GRM8: variants seen among roughly 807,000 people sequenced by gnomAD.
GRM8 encodes glutamate metabotropic receptor 8.
In GRM8, 47 loss-of-function variants were observed where a neutral mutation model predicts 87.2. The observed-to-expected ratio is 0.54, with a 90% CI of 0.43 to 0.69. GRM8 has a LOEUF of 0.69. Among genes scored for constraint, GRM8 ranks in the 30% least tolerant of loss-of-function variants. GRM8 has a pLI of 0.00. For missense variants in GRM8, 1,019 were observed against 1,139.2 expected (o/e 0.89, Z 1.52); for synonymous variants, 396 against 404.5 (o/e 0.98, Z 0.25).
At chr7:127,030,293 C>T (rs1817232035) in intron 3 of GRM8, among the ~76,000 whole-genome samples, 2 of 113,308 alleles carry the variant, frequency 1.8e-5, no homozygotes, top group East Asian at 2.4e-4. Context: ...AAGCACTCCC[C>T]AGAAGGTTCA....
At chr7:127,222,448 A>G (rs999021854) in intron 2 of GRM8, among the ~76,000 whole-genome samples, 42 of 152,260 alleles carry the variant, frequency 2.8e-4, no homozygotes, top group Admixed American at 2.5e-3. Context: ...GCTTTTGAAG[A>G]TACTCTACCC....
rs3831573 is a variant in GRM8 at position 126,688,739 on chromosome 7, G to GACACACACACACACACACAC, written c.1358-79261_1358-79242dup. ...CCCTATTTTCTCTCTCTCTCTTTCT[G>GACACACACACACACACACAC]ACACACACACACACACACACACACA... On this transcript the variant is annotated intron_variant, in intron 7 of 10. Transcript: ENST00000339582. Among the ~76,000 whole-genome samples, 321 of 145,804 alleles carry GACACACACACACACACACAC rather than the reference G, an allele frequency of 2.2e-3. 2 individuals carry two copies. The highest frequency in any genetic ancestry group is 7.6e-3 in the African/African-American group (298 of 39,202).
intron 8 of GRM8, among the ~76,000 whole-genome samples, chr7:126,577,349 C>T (rs957441419): frequency 2.0e-5 from 3 of 152,116 alleles, no homozygotes; most frequent in Admixed American, 6.6e-5. Flanking sequence ...AATCATTTAA[C>T]ACTAACTTTA....
At chr7:126,541,009 A>G (rs552526813) in intron 8 of GRM8, among the ~76,000 whole-genome samples, 125 of 152,358 alleles carry the variant, frequency 8.2e-4, no homozygotes, top group African/African-American at 2.9e-3. Flanking sequence ...ATAATGCTGT[A>G]CAAAAACATA....
chr7:126,899,468 C>T (rs1293814215), intron 6 of GRM8, among the ~76,000 whole-genome samples: 1 of 152,138 alleles, frequency 6.6e-6, no homozygotes, highest in African/African-American at 2.4e-5. Flanking sequence ...TTCCCAAATC[C>T]TTGTCATCAA....
chr7:126,898,712 C>A (rs1454098490), intron 6 of GRM8, among the ~76,000 whole-genome samples: 2 of 152,156 alleles, frequency 1.3e-5, no homozygotes, highest in African/African-American at 4.8e-5. Context: ...AGTCATATAC[C>A]ACCTACAGAT....
chr7:126,860,998 CTG>C (rs982575713), intron 6 of GRM8, among the ~76,000 whole-genome samples: 7 of 152,124 alleles, frequency 4.6e-5, no homozygotes, highest in African/African-American at 1.4e-4. Flanking sequence ...CCCACAATCA[CTG>C]TAAATCTTTC....
Position 127,079,402 on chromosome 7 carries a change from G to A in GRM8, c.727+27094C>T, listed in dbSNP as rs144002759. On this transcript the variant is annotated intron_variant, in intron 3 of 10. Transcript: ENST00000339582. ...CTCCCAAAGTGCTGGGATTACAGGC[G>A]TGAGCCACCACGCCCAGCCGTGTAT... is the stretch of plus-strand genomic sequence containing the variant. 4.7e-3 allele frequency among the ~76,000 whole-genome samples: 710 copies of A among 152,298 alleles called. 8 individuals carry two copies. The highest frequency in any genetic ancestry group is 0.016 in the African/African-American group (650 of 41,556).
At chr7:126,904,806 C>G in intron 3 of GRM8, 123 bp from the exon 4 acceptor site, 1 of 823,944 alleles carries the variant, frequency 1.2e-6, no homozygotes, top group Non-Finnish European at 2.0e-6. Flanking sequence ...ATATGTGTCA[C>G]TCTCACCTAT....
chr7:126,594,491 A>C (rs1796977290), intron 8 of GRM8, among the ~76,000 whole-genome samples: 1 of 152,142 alleles, frequency 6.6e-6, no homozygotes. Context: ...AGGTACAGAA[A>C]GATAAATACC....
At chr7:126,966,799 G>A (rs1034316341) in intron 3 of GRM8, among the ~76,000 whole-genome samples, 2 of 152,122 alleles carry the variant, frequency 1.3e-5, no homozygotes, top group African/African-American at 4.8e-5. Flanking sequence ...AGAAAAAAAT[G>A]AGTCAATTAA....
chr7:126,499,160 C>T (rs1809240893), intron 9 of GRM8, among the ~76,000 whole-genome samples: 1 of 151,798 alleles, frequency 6.6e-6, no homozygotes, highest in Non-Finnish European at 1.5e-5. Flanking sequence ...CTTCTATATA[C>T]TCTGTTTGTG....
chr7:126,489,607 T>C (rs186303126), intron 9 of GRM8, among the ~76,000 whole-genome samples: 2 of 152,118 alleles, frequency 1.3e-5, no homozygotes, highest in Admixed American at 6.6e-5. Flanking sequence ...CAAAGAAAGA[T>C]CTTGTAAAAA....
At chr7:126,522,639 G>T (rs1813167444) in intron 9 of GRM8, among the ~76,000 whole-genome samples, 1 of 152,178 alleles carries the variant, frequency 6.6e-6, no homozygotes, top group Admixed American at 6.5e-5. Flanking sequence ...ACAGGTTTTT[G>T]GTCACAGGTT....
chr7:127,128,851 G>C (rs1287125541), intron 2 of GRM8, among the ~76,000 whole-genome samples: 3 of 152,024 alleles, frequency 2.0e-5, no homozygotes, highest in Non-Finnish European at 2.9e-5. Flanking sequence ...TTCTGAATTT[G>C]TTCTTCTCCA....
At chr7:126,642,654 A>G (rs1399727959) in intron 7 of GRM8, among the ~76,000 whole-genome samples, 1 of 151,948 alleles carries the variant, frequency 6.6e-6, no homozygotes, top group East Asian at 1.9e-4. Context: ...AAATAATAAT[A>G]ATAACAATAA....
At chr7:126,482,543 G>A (rs1806816736) in intron 9 of GRM8, among the ~76,000 whole-genome samples, 1 of 151,822 alleles carries the variant, frequency 6.6e-6, no homozygotes, top group Admixed American at 6.6e-5. Context: ...AAACAAGCAA[G>A]TCACAAAAAA....
intron 8 of GRM8, among the ~76,000 whole-genome samples, chr7:126,592,850 A>G (rs1027558113): frequency 1.3e-5 from 2 of 151,942 alleles, no homozygotes; most frequent in Admixed American, 1.3e-4. Context: ...TTAGAAAAGA[A>G]GAGATAAATT....
At chr7:126,547,333 G>A (rs981326507) in intron 8 of GRM8, among the ~76,000 whole-genome samples, 1 of 151,950 alleles carries the variant, frequency 6.6e-6, no homozygotes, top group African/African-American at 2.4e-5. Flanking sequence ...TGCATGGAGA[G>A]GGAGGCATCT....
Sources: gnomAD v4.1 joint callset for allele counts (sites outside exome capture counted in the v4.1 genomes callset) on GRCh38, gnomAD v4.1.1 for gene constraint, MANE v1.5 for transcripts, NCBI Gene and HGNC (gene_info 2026-07-23, HGNC 2026-07-21) for gene names.